SYNPO: variants seen among roughly 807,000 people sequenced by gnomAD.
SYNPO encodes synaptopodin.
A neutral mutation model predicts 49.5 loss-of-function variants in SYNPO; 19 were observed. The ratio of observed to expected loss-of-function variants is 0.38; its 90% confidence interval spans 0.27 to 0.56. The LOEUF is 0.56. SYNPO is among the 20% of genes least tolerant of loss of function. The pLI is 0.68. For missense variants in SYNPO, 1,131 were observed against 1,248.3 expected (o/e 0.91, Z 1.42); for synonymous variants, 536 against 548.0 (o/e 0.98, Z 0.31).
At chr5:150,598,203 C>T (rs1312320116), upstream of SYNPO, among the ~76,000 whole-genome samples, 1 of 152,112 alleles carries the variant, frequency 6.6e-6, no homozygotes, top group Admixed American at 6.6e-5. Flanking sequence ...ACCAGGACCT[C>T]TCTGGCATCC....
upstream of SYNPO, among the ~76,000 whole-genome samples, chr5:150,596,341 C>T (rs927711419): frequency 1.3e-5 from 2 of 152,278 alleles, no homozygotes; most frequent in Middle Eastern, 3.4e-3. Context: ...GTCCCTTTTG[C>T]TCTCTAGGCT....
chr5:150,651,629 T>G, intron 2 of SYNPO: 3 of 1,002,352 alleles, frequency 3.0e-6, no homozygotes, highest in Non-Finnish European at 3.6e-6. Flanking sequence ...CAGGATTGCC[T>G]GGGGACAGTA....
At chr5:150,651,334 C>T (rs1758377567) in intron 2 of SYNPO, 1 of 1,000,512 alleles carries the variant, frequency 1.0e-6, no homozygotes. Flanking sequence ...GTGACTTTGG[C>T]CCACTCACAT....
At chr5:150,587,187 AATGGATGG>A in the SYNPO span, among the ~76,000 whole-genome samples, 1 of 149,848 alleles carries the variant, frequency 6.7e-6, no homozygotes, top group Non-Finnish European at 1.5e-5. Context: ...TGGATATGTT[AATGGATGG>A]ATGGATGGAT....
upstream of SYNPO, among the ~76,000 whole-genome samples, chr5:150,598,111 C>T (rs952724381): frequency 3.9e-5 from 6 of 152,234 alleles, no homozygotes; most frequent in Non-Finnish European, 5.9e-5. Context: ...ATCGTGGTCA[C>T]GGGTAGGGCT....
chr5:150,590,205 G>T, the SYNPO span, among the ~76,000 whole-genome samples: 7 of 152,340 alleles, frequency 4.6e-5, no homozygotes, highest in Admixed American at 6.5e-5. Context: ...GCCTTGGGGA[G>T]AAGCATCTTT....
Position 150,648,849 on chromosome 5 carries a change from C to T in SYNPO, c.574C>T (p.Leu192=), listed in dbSNP as rs948323858. ...AGCCTCAGATTTCATGTCCAGCTCC[C>T]TGCTCATTGACATCCAGCCCAACAC... ...PPASDFMSSS[L]LIDIQPNTLV... is the part of the protein sequence containing the mutation. Residue 192 remains leucine, a synonymous_variant, in exon 2 of 3, where the codon CTG becomes TTG. Transcript: ENST00000307662. The surrounding 1 kb of genome is among the most constrained non-coding windows in gnomAD (Gnocchi z 5.0). 5.0e-6 allele frequency: 8 copies of T among 1,614,118 alleles called. No homozygotes were observed. The highest frequency in any genetic ancestry group is 3.3e-4 in the Middle Eastern group (2 of 6,084).
intron 1 of SYNPO, among the ~76,000 whole-genome samples, chr5:150,616,083 C>T (rs189645185): frequency 8.6e-4 from 131 of 152,282 alleles, no homozygotes; most frequent in Non-Finnish European, 1.6e-3. Flanking sequence ...CTTTCTGATC[C>T]GGATGGTTGT....
At chr5:150,634,109 C>T (rs1462862456) in intron 2 of SYNPO, among the ~76,000 whole-genome samples, 5 of 152,294 alleles carry the variant, frequency 3.3e-5, no homozygotes, top group South Asian at 4.1e-4. Flanking sequence ...AGATCATGGA[C>T]TCTAAAGCCC....
intron 2 of SYNPO, among the ~76,000 whole-genome samples, chr5:150,621,945 G>A (rs926855870): frequency 3.3e-5 from 5 of 152,184 alleles, no homozygotes; most frequent in African/African-American, 1.2e-4. Flanking sequence ...ATGCTAAGCT[G>A]CCCTCCCCAA....
chr5:150,620,949 T>C (rs961992201), intron 2 of SYNPO, among the ~76,000 whole-genome samples: 3 of 118,470 alleles, frequency 2.5e-5, no homozygotes, highest in Admixed American at 2.5e-4. Context: ...TTCTTTCTTT[T>C]CTTTTCTTTT....
At chr5:150,603,524 A>G (rs767154639) in intron 1 of SYNPO, among the ~76,000 whole-genome samples, 12 of 152,208 alleles carry the variant, frequency 7.9e-5, no homozygotes, top group Non-Finnish European at 1.6e-4. Flanking sequence ...TTATATGTGG[A>G]TATTCATTGG....
intron 2 of SYNPO, 44 bp downstream of exon 2, chr5:150,650,347 G>T: frequency 1.2e-6 from 2 of 1,612,640 alleles, no homozygotes. Context: ...ACCCCACGGG[G>T]GTCCCACTGC....
At chr5:150,594,952 A>G in the SYNPO span, among the ~76,000 whole-genome samples, 1 of 152,220 alleles carries the variant, frequency 6.6e-6, no homozygotes, top group African/African-American at 2.4e-5. Context: ...TGAGAAGAGC[A>G]GATGTGGAGG....
upstream of SYNPO, among the ~76,000 whole-genome samples, chr5:150,596,643 G>A (rs929551322): frequency 1.3e-5 from 2 of 152,110 alleles, no homozygotes; most frequent in Non-Finnish European, 2.9e-5. Context: ...AGGTTGCTCT[G>A]CCAGAGATGA....
At chr5:150,654,487 T>C (rs1222585970) in intron 2 of SYNPO, among the ~76,000 whole-genome samples, 1 of 152,136 alleles carries the variant, frequency 6.6e-6, no homozygotes, top group African/African-American at 2.4e-5. Context: ...CACTAGTCTG[T>C]TGTGAAAACC....
chr5:150,641,274 G>A (rs1259194769), intron 1 of SYNPO, among the ~76,000 whole-genome samples: 2 of 152,218 alleles, frequency 1.3e-5, no homozygotes, highest in East Asian at 3.9e-4. Context: ...GCCCCCAGCT[G>A]AGCCAGAGGT....
chr5:150,655,385 C>T (rs1325391001), intron 2 of SYNPO, among the ~76,000 whole-genome samples: 2 of 152,132 alleles, frequency 1.3e-5, no homozygotes, highest in Admixed American at 6.5e-5. Flanking sequence ...CACACAGAGC[C>T]CACCCTGACT....
At chr5:150,651,252 C>T (rs910984322) in intron 2 of SYNPO, 10 of 1,001,768 alleles carry the variant, frequency 1.0e-5, no homozygotes, top group African/African-American at 8.7e-5. Context: ...GCCACCTCAG[C>T]GCAGTGGAAC....
Sources: allele counts gnomAD v4.1 joint callset (sites outside exome capture counted in the v4.1 genomes callset), GRCh38; gene constraint gnomAD v4.1.1; non-coding constraint Gnocchi (gnomAD v3.1); transcripts MANE v1.5; gene names NCBI Gene and HGNC (gene_info 2026-07-23, HGNC 2026-07-21).